The following SH3BP4 variants were observed in gnomAD, a reference collection of about 807,000 sequenced individuals.
The protein encoded by SH3BP4 is SH3 domain-binding protein 4.
A neutral mutation model predicts 65.5 loss-of-function variants in SH3BP4; 33 were observed. The ratio of observed to expected loss-of-function variants is 0.50; its 90% CI spans 0.38 to 0.67. The LOEUF (loss-of-function observed/expected upper bound fraction) is 0.67, where lower values mean the gene tolerates loss of function less well. Among genes scored for constraint, SH3BP4 ranks in the 30% least tolerant of loss-of-function variants. The probability of loss-of-function intolerance (pLI) is 0.00; values close to 1 mark genes in which losing one functional copy is unlikely to be tolerated. For synonymous variants in SH3BP4, 552 were observed against 545.5 expected, an observed-to-expected ratio of 1.01 and a Z score of -0.17; for missense variants, 1,134 against 1,261.4, an observed-to-expected ratio of 0.90 and a Z score of 1.53.
In SH3BP4 at chr2:235,055,119, G is replaced by A. The variant is rs1189579184; in HGVS notation, c.*1303G>A. On this transcript the variant is annotated 3_prime_UTR_variant, in exon 6 of 6. Transcript: ENST00000392011. The stretch of plus-strand genomic sequence containing the variant: ...AATCTCACAATGCGTCGTAGATGTC[G>A]CGTGTTGGAAGGGAGCAGGAGGAAG... The A allele has an allele frequency of 1.3e-5, 2 of 152,132 alleles. No homozygotes were observed. The highest frequency in any genetic ancestry group is 2.9e-5 in the Non-Finnish European group (2 of 68,044). The allele number at this position is 152,132 out of a possible 1,614,324, so 9.4% of individuals were successfully genotyped here.
At chr2:235,023,971 A>G (rs1457292789) in intron 2 of SH3BP4, among the ~76,000 whole-genome samples, 1 of 152,082 alleles carries the variant, frequency 6.6e-6, no homozygotes, top group East Asian at 1.9e-4. Flanking sequence ...ATATTGAGGG[A>G]CAGTGGGAGG....
In SH3BP4 at chr2:235,012,436, G is replaced by A. The variant is rs114249745; in HGVS notation, c.-133+17060G>A. On this transcript the variant is annotated intron_variant, in intron 2 of 5. Coordinates refer to ENST00000392011, the MANE Select transcript of SH3BP4 (RefSeq NM_014521.3). ...AGGGGACGCCTGAGTTGTCTGCCAA[G>A]TTTTCTTCCTGGTTGTCATGTTTGG... 4.0e-3 allele frequency among the ~76,000 whole-genome samples: 616 copies of A among 152,362 alleles called. 3 individuals are homozygous for A. Among genetic ancestry groups the A allele is most frequent in the African/African-American group, 0.014 (592 of 41,590 alleles).
chr2:235,006,721 A>G (rs1694308412), intron 2 of SH3BP4, among the ~76,000 whole-genome samples: 1 of 152,156 alleles, frequency 6.6e-6, no homozygotes, highest in African/African-American at 2.4e-5. Flanking sequence ...CTGTTCCCAA[A>G]TGGAAGCGTC....
intron 1 of SH3BP4, among the ~76,000 whole-genome samples, chr2:234,973,484 G>T (rs1693058317): frequency 6.6e-6 from 1 of 152,126 alleles, no homozygotes; most frequent in Non-Finnish European, 1.5e-5. Flanking sequence ...CTGAAATCAA[G>T]TCATCGAGGA....
chr2:234,989,838 G>A (rs758101040), intron 1 of SH3BP4, among the ~76,000 whole-genome samples: 16 of 152,124 alleles, frequency 1.1e-4, no homozygotes, highest in Admixed American at 3.9e-4. Context: ...GATTTGGCCC[G>A]CGGGCTGTAG....
chr2:234,966,020 T>C (rs1376199038), intron 1 of SH3BP4, among the ~76,000 whole-genome samples: 1 of 152,154 alleles, frequency 6.6e-6, no homozygotes, highest in Non-Finnish European at 1.5e-5. Flanking sequence ...AGGATGGTCA[T>C]CTCCTGCTCA....
intron 2 of SH3BP4, among the ~76,000 whole-genome samples, chr2:235,024,237 A>G (rs187422576): frequency 6.6e-6 from 1 of 152,348 alleles, no homozygotes; most frequent in African/African-American, 2.4e-5. Flanking sequence ...GGCAGAGGCT[A>G]AAACAATAAA....
At chr2:234,985,458 A>G (rs924739413) in intron 1 of SH3BP4, among the ~76,000 whole-genome samples, 13 of 152,178 alleles carry the variant, frequency 8.5e-5, no homozygotes, top group Admixed American at 7.2e-4. Flanking sequence ...GTGCACAAGC[A>G]TTTTTGACCC....
Position 234,997,204 on chromosome 2 carries a change from C to T in SH3BP4, c.-133+1828C>T, listed in dbSNP as rs1388653801. 2.0e-5 allele frequency among the ~76,000 whole-genome samples: 3 copies of T among 152,194 alleles called. No individual in the cohort carries two copies. The highest frequency in any genetic ancestry group is 7.2e-5 in the African/African-American group (3 of 41,438). Reference sequence around the variant, plus strand: ...TAGAGACCATCCACAGGCCACCACACTTTAAGCTGATTTTCGTTTTGCCTT... The same window carrying T: ...TAGAGACCATCCACAGGCCACCACATTTTAAGCTGATTTTCGTTTTGCCTT... On this transcript the variant is annotated intron_variant, in intron 2 of 5. Coordinates refer to ENST00000392011, the MANE Select transcript of SH3BP4 (RefSeq NM_014521.3). The surrounding 1 kb of genome is among the most constrained non-coding windows in gnomAD (Gnocchi z 4.2).
At position 235,037,972 on chromosome 2, in the gene SH3BP4, T is replaced by G. The variant is rs79678317; in HGVS notation, c.118+2852T>G. Among the ~76,000 whole-genome samples, 2,815 of 151,958 alleles carry G rather than the reference T, an allele frequency of 0.019. 265 individuals carry two copies. In the East Asian group the frequency reaches 0.29, roughly 15 times the overall value. ...TGCTTTCACCAACACCAGGATCCAA[T>G]AGCATAGATTATGGCTTCTCTGTGT... On this transcript the variant is annotated intron_variant, in intron 3 of 5. Coordinates refer to ENST00000392011, the MANE Select transcript of SH3BP4 (RefSeq NM_014521.3).
chr2:234,954,694 A>G (rs768304213), intron 1 of SH3BP4, among the ~76,000 whole-genome samples: 1 of 152,194 alleles, frequency 6.6e-6, no homozygotes, highest in Non-Finnish European at 1.5e-5. Context: ...TCTGATCATA[A>G]GATATGCGAA....
chr2:234,973,151 T>G (rs2106248942), intron 1 of SH3BP4, among the ~76,000 whole-genome samples: 1 of 152,308 alleles, frequency 6.6e-6, no homozygotes, highest in South Asian at 2.1e-4. Flanking sequence ...CACAGAGACA[T>G]TCTTTTTAGA....
intron 1 of SH3BP4, among the ~76,000 whole-genome samples, chr2:234,955,882 C>T (rs1692575050): frequency 6.6e-6 from 1 of 152,202 alleles, no homozygotes; most frequent in South Asian, 2.1e-4. Flanking sequence ...TTAAGAAACT[C>T]CTCCAACCTT....
chr2:235,034,886 C>T lies in SH3BP4; in HGVS notation c.-117C>T, dbSNP rs536809048. 1.2e-3 allele frequency: 932 copies of T among 783,030 alleles called. 19 individuals carry two copies. The South Asian group carries it at 0.015, about 12-fold the overall frequency. The allele number at this position is 783,030 out of a possible 1,614,324, so 48.5% of individuals were successfully genotyped here. On this transcript the variant is annotated 5_prime_UTR_variant, in exon 3 of 6. Coordinates refer to ENST00000392011, the MANE Select transcript of SH3BP4 (RefSeq NM_014521.3). The surrounding 1 kb of genome is among the most constrained non-coding windows in gnomAD (Gnocchi z 6.2). The stretch of plus-strand genomic sequence containing the variant: ...CTACTTTCAGGAAGAAACATATTGC[C>T]GAGTGGATGCCGCCGCGCAGCGTGT...
rs1693758426 is a variant in SH3BP4 at position 234,991,898 on chromosome 2, G to A, written c.-206-3405G>A. Among the ~76,000 whole-genome samples the A allele has an allele frequency of 6.6e-6, 1 of 152,210 alleles. No homozygotes were observed. Among genetic ancestry groups the A allele is most frequent in the South Asian group, 2.1e-4 (1 of 4,826 alleles). On this transcript the variant is annotated intron_variant, in intron 1 of 5. Coordinates refer to ENST00000392011, the MANE Select transcript of SH3BP4 (RefSeq NM_014521.3). The surrounding 1 kb of genome is among the most constrained non-coding windows in gnomAD (Gnocchi z 4.2). The stretch of plus-strand genomic sequence containing the variant: ...TGTCCCTGCCCAGGGTCCAGTTCTG[G>A]CGTCTCTGAGCCCCCTGTCAGGGCA...
chr2:234,963,228 A>G (rs955526533), intron 1 of SH3BP4, among the ~76,000 whole-genome samples: 1 of 152,238 alleles, frequency 6.6e-6, no homozygotes. Flanking sequence ...AATTATAAAC[A>G]ACACTGCAAT....
chr2:234,962,905 C>A (rs1692747535), intron 1 of SH3BP4, among the ~76,000 whole-genome samples: 1 of 152,028 alleles, frequency 6.6e-6, no homozygotes. Context: ...AGTAGAGACA[C>A]AGTTTCTACT....
rs1695799652 is a variant in SH3BP4 at position 235,045,002 on chromosome 2, G to A, written c.2478+1755G>A. Among the ~76,000 whole-genome samples, 1 of 152,182 alleles carries A rather than the reference G, an allele frequency of 6.6e-6. No individual in the cohort carries two copies. The highest frequency in any genetic ancestry group is 1.5e-5 in the Non-Finnish European group (1 of 68,012). On this transcript the variant is annotated intron_variant, in intron 4 of 5. Coordinates refer to ENST00000392011, the MANE Select transcript of SH3BP4 (RefSeq NM_014521.3). The surrounding 1 kb of genome is among the most constrained non-coding windows in gnomAD (Gnocchi z 4.3). Reference sequence around the variant, plus strand: ...ACAAACGCAGCAGGGAAGCCTCCGGGCCCCCATGTGGGGTCACCTGCAGGG... The same window carrying A: ...ACAAACGCAGCAGGGAAGCCTCCGGACCCCCATGTGGGGTCACCTGCAGGG...
chr2:234,964,852 A>G (rs924093198), intron 1 of SH3BP4, among the ~76,000 whole-genome samples: 1 of 151,968 alleles, frequency 6.6e-6, no homozygotes, highest in African/African-American at 2.4e-5. Context: ...GGGCCGGGTG[A>G]CCTGCCTGGG....
Sources: gnomAD v4.1 joint callset for allele counts (sites outside exome capture counted in the v4.1 genomes callset) on GRCh38, gnomAD v4.1.1 for gene constraint, Gnocchi (gnomAD v3.1) non-coding constraint, MANE v1.5 for transcripts, NCBI Gene and HGNC (gene_info 2026-07-23, HGNC 2026-07-21) for gene names.